The following DMD variants were observed in gnomAD, a reference collection of about 807,000 sequenced individuals.
DMD encodes the protein mutant dystrophin.
A neutral mutation model predicts 330.1 loss-of-function variants in DMD; 63 were observed. That is an observed-to-expected ratio of 0.19 (90% CI 0.16 to 0.24). The LOEUF (loss-of-function observed/expected upper bound fraction) is 0.24, where lower values mean the gene tolerates loss of function less well. Ranked by LOEUF, DMD falls within the 10% of genes least tolerant of loss-of-function variation. DMD has a pLI of 1.00. For missense variants in DMD, 3,344 were observed against 2,684.1 expected, an observed-to-expected ratio of 1.25 and a Z score of -5.43; for synonymous variants, 1,223 against 959.8, an observed-to-expected ratio of 1.27 and a Z score of -5.07.
At position 31,760,033 on chromosome X, in the gene DMD, T is replaced by TA. The variant is rs773860461; in HGVS notation, c.7542+13926dup. On this transcript the variant is annotated intron_variant, in intron 51 of 78. Transcript: ENST00000357033. ...TCACTGAGAAATACTGAGCTAACAATACTAACATTCCTAAAAGACTTTTCA... is the reference window on the plus strand; with the variant it reads ...TCACTGAGAAATACTGAGCTAACAATAACTAACATTCCTAAAAGACTTTTCA... Among the ~76,000 whole-genome samples the TA allele has an allele frequency of 1.4e-4, 16 of 111,802 alleles. 1 individual carries two copies. Among genetic ancestry groups the TA allele is most frequent in the Middle Eastern group, 9.2e-3 (2 of 218 alleles).
intron 60 of DMD, among the ~76,000 whole-genome samples, chrX:31,421,491 CAATT>C (rs1163812693): frequency 1.8e-5 from 2 of 111,388 alleles, no homozygotes; most frequent in African/African-American, 3.3e-5. Context: ...ACATTTCTAT[CAATT>C]ATTATATGCA....
intron 44 of DMD, among the ~76,000 whole-genome samples, chrX:32,185,548 A>G (rs1003951830): frequency 1.8e-5 from 2 of 111,563 alleles, no homozygotes; most frequent in African/African-American, 3.3e-5. Context: ...AAAATATATA[A>G]TAAGTGCCTA....
At chrX:33,013,323 CA>C (rs2093735802) in intron 2 of DMD, among the ~76,000 whole-genome samples, 1 of 111,148 alleles carries the variant, frequency 9.0e-6, no homozygotes, top group African/African-American at 3.3e-5. Flanking sequence ...TATACATAAA[CA>C]AAAAGTTCCC....
intron 44 of DMD, among the ~76,000 whole-genome samples, chrX:32,196,986 C>CAAAAAAAAAAAAAAAAA (rs71872245): frequency 6.0e-5 from 3 of 49,638 alleles, no homozygotes; most frequent in African/African-American, 9.7e-5. Flanking sequence ...GACTCCATCT[C>CAAAAAAAAAAAAAAAAA]AAAAAAAAAA....
intron 41 of DMD, among the ~76,000 whole-genome samples, chrX:32,338,016 G>T (rs1233019309): frequency 9.0e-6 from 1 of 111,410 alleles, no homozygotes; most frequent in Non-Finnish European, 1.9e-5. Flanking sequence ...CTTAGTTTTT[G>T]TTCAGGTGAA....
chrX:33,092,901 T>A (rs770899250), intron 1 of DMD, among the ~76,000 whole-genome samples: 6 of 110,556 alleles, frequency 5.4e-5, no homozygotes, highest in Non-Finnish European at 9.4e-5. Flanking sequence ...TGAGATGGAG[T>A]CTTGCTCTGT....
intron 1 of DMD, among the ~76,000 whole-genome samples, chrX:33,303,591 G>A (rs1174286469): frequency 4.5e-5 from 5 of 111,486 alleles, no homozygotes; most frequent in African/African-American, 1.6e-4. Flanking sequence ...TGGTGGGAGA[G>A]ACCCAGTGGG....
chrX:32,811,990 G>A (rs2077401101), intron 6 of DMD, among the ~76,000 whole-genome samples: 1 of 111,791 alleles, frequency 8.9e-6, no homozygotes, highest in African/African-American at 3.2e-5. Context: ...AGTATCAAGT[G>A]GTGGGAGATA....
intron 16 of DMD, among the ~76,000 whole-genome samples, chrX:32,550,750 A>G (rs984177801): frequency 9.0e-6 from 1 of 110,777 alleles, no homozygotes; most frequent in Non-Finnish European, 1.9e-5. Flanking sequence ...AATAATAAAG[A>G]AAAAAAGAGA....
At chrX:31,381,219 C>A (rs1272786815) in intron 60 of DMD, among the ~76,000 whole-genome samples, 1 of 111,187 alleles carries the variant, frequency 9.0e-6, no homozygotes, top group Non-Finnish European at 1.9e-5. Context: ...TGACTCATCC[C>A]AACCCTTTTC....
intron 62 of DMD, among the ~76,000 whole-genome samples, chrX:31,301,088 G>A (rs2054606980): frequency 8.9e-6 from 1 of 111,819 alleles, no homozygotes; most frequent in Non-Finnish European, 1.9e-5. Flanking sequence ...GAGCTAGCCT[G>A]AGAGTGTGAA....
Position 32,217,077 on chromosome X carries a change from C to T in DMD, c.6291-14G>A, listed in dbSNP as rs2097115005. 3 of 1,203,603 alleles carry T rather than the reference C, an allele frequency of 2.5e-6. No homozygotes were observed. Among genetic ancestry groups the T allele is most frequent in the Non-Finnish European group, 3.4e-6 (3 of 889,287 alleles). Reference sequence around the variant, plus strand: ...CTGTCAAATCGCCTGCAGGTAAAAGCATATGGATCAAGAAAAATAGATGGA... The same window carrying T: ...CTGTCAAATCGCCTGCAGGTAAAAGTATATGGATCAAGAAAAATAGATGGA... On this transcript the variant is annotated splice_polypyrimidine_tract_variant and intron_variant, in intron 43 of 78. Transcript: ENST00000357033.
chrX:31,822,653 G>GTGTGTGTGTGTGT lies in DMD; in HGVS notation c.7201-2571_7201-2570insACACACACACACA, dbSNP rs1556919106. 4.6e-3 allele frequency among the ~76,000 whole-genome samples: 300 copies of GTGTGTGTGTGTGT among 65,796 alleles called. 1 individual carries two copies. Among genetic ancestry groups the GTGTGTGTGTGTGT allele is most frequent in the South Asian group, 0.018 (16 of 882 alleles). 57.1% of individuals were successfully genotyped at this position (65,796 alleles called of 115,157 possible). A position where few individuals can be genotyped will look rare whatever the true frequency, so the allele number is the denominator to read the frequency against. On this transcript the variant is annotated intron_variant, in intron 49 of 78. Coordinates refer to ENST00000357033, the MANE Select transcript of DMD (RefSeq NM_004006.3). ...TTGGCCATACAGAAAAAGGCAGAGG[G>GTGTGTGTGTGTGT]GTGTGTGTGTGTGTGTGTGTGTGTG...
intron 44 of DMD, among the ~76,000 whole-genome samples, chrX:32,087,587 A>G (rs939438770): frequency 8.9e-6 from 1 of 111,925 alleles, no homozygotes; most frequent in Non-Finnish European, 1.9e-5. Context: ...TTGACCCGCT[A>G]GTCCGAGTCA....
intron 55 of DMD, among the ~76,000 whole-genome samples, chrX:31,530,360 A>G (rs953692743): frequency 8.9e-6 from 1 of 112,128 alleles, no homozygotes; most frequent in Non-Finnish European, 1.9e-5. Context: ...TTTGAAGAAA[A>G]GCAGAGAGAA....
intron 11 of DMD, among the ~76,000 whole-genome samples, chrX:32,632,072 T>C (rs112931694): frequency 1.8e-5 from 2 of 112,033 alleles, no homozygotes; most frequent in African/African-American, 6.5e-5. Context: ...CAAAAACCAA[T>C]TAGTTACTTC....
rs368844598 is a variant in DMD at position 32,356,929 on chromosome X, G to A, written c.5325+5859C>T. Among the ~76,000 whole-genome samples the A allele has an allele frequency of 9.9e-5, 11 of 110,713 alleles. No homozygotes were observed. In the East Asian group the frequency reaches 1.1e-3, roughly 12 times the overall value. On this transcript the variant is annotated intron_variant, in intron 37 of 78. Coordinates refer to ENST00000357033, the MANE Select transcript of DMD (RefSeq NM_004006.3). ...TTTTGAGATGGAATCTCACTCTGTC[G>A]CCCAGGCTGGGGTGCAGTGGTGCGA...
chrX:32,588,903 A>G (rs2054580628), intron 13 of DMD, among the ~76,000 whole-genome samples: 1 of 111,775 alleles, frequency 8.9e-6, no homozygotes, highest in Non-Finnish European at 1.9e-5. Flanking sequence ...TAAGAAATTC[A>G]GTAAGGAAAG....
intron 51 of DMD, among the ~76,000 whole-genome samples, chrX:31,743,124 T>C (rs1482190243): frequency 9.0e-6 from 1 of 111,257 alleles, no homozygotes; most frequent in Non-Finnish European, 1.9e-5. Context: ...ATCAGAGAAA[T>C]GCAAATCAAA....
Sources: allele counts gnomAD v4.1 joint callset (sites outside exome capture counted in the v4.1 genomes callset), GRCh38; gene constraint gnomAD v4.1.1; transcripts MANE v1.5; gene names NCBI Gene and HGNC (gene_info 2026-07-23, HGNC 2026-07-21).